Variants in MARCHF9 observed in about 807,000 individuals in gnomAD.
The protein encoded by MARCHF9 is E3 ubiquitin-protein ligase MARCHF9.
In MARCHF9, 17 loss-of-function variants were observed where a neutral mutation model predicts 35.2. The observed-to-expected ratio is 0.48, with a 90% confidence interval of 0.33 to 0.72. The LOEUF is 0.72. MARCHF9 is among the 30% of genes least tolerant of loss of function. The pLI is 0.02. For synonymous variants in MARCHF9, 183 were observed against 207.4 expected (o/e 0.88, Z 1.01); for missense variants, 386 against 478.2 (o/e 0.81, Z 1.80).
intron 2 of MARCHF9, 125 bp downstream of exon 2, chr12:57,757,209 C>G (rs1595114545): frequency 1.1e-5 from 5 of 455,260 alleles, no homozygotes; most frequent in Non-Finnish European, 1.7e-5. Flanking sequence ...CCAGTTACCA[C>G]AGTCTCCCGT....
At chr12:57,757,111 A>T (rs1455811680) in intron 2 of MARCHF9, 27 bp downstream of exon 2, 1 of 1,527,276 alleles carries the variant, frequency 6.5e-7, no homozygotes, top group African/African-American at 1.4e-5. Flanking sequence ...GGACTCGGAG[A>T]TTGGGCGAGG....
At position 57,755,662 on chromosome 12, in the gene MARCHF9, G is replaced by T. The variant is rs1018928840; in HGVS notation, c.134G>T (p.Gly45Val). Residue 45 changes from glycine to valine, a missense_variant, in exon 1 of 4, where the codon GGC becomes GTC. Physicochemically the swap from Gly to Val is moderately radical, Grantham distance 109. Coordinates refer to ENST00000266643, the MANE Select transcript of MARCHF9 (RefSeq NM_138396.6). ...GGGCGWAPFAGCSTRDGDGDE... is the reference protein window; with the variant it reads ...GGGCGWAPFAVCSTRDGDGDE... ...GGCTGCGGCTGGGCGCCCTTCGCTG[G>T]CTGCTCCACCCGGGACGGCGACGGC... 1.6e-5 allele frequency: 21 copies of T among 1,310,000 alleles called. No homozygotes were observed. The African/African-American group carries it at 3.1e-4, about 19-fold the overall frequency. 81.1% of individuals were successfully genotyped at this position (1,310,000 alleles called of 1,614,324 possible). A position where few individuals can be genotyped will look rare whatever the true frequency, so the allele number is the denominator to read the frequency against.
chr12:57,758,428 C>G lies in MARCHF9; in HGVS notation c.706+128C>G. 4 of 1,333,844 alleles carry G rather than the reference C, an allele frequency of 3.0e-6. No homozygotes were observed. The highest frequency in any genetic ancestry group is 4.0e-6 in the Non-Finnish European group (4 of 988,018). 82.6% of individuals were successfully genotyped at this position (1,333,844 alleles called of 1,614,324 possible). On this transcript the variant is annotated intron_variant, in intron 3 of 3. Transcript: ENST00000266643. The surrounding 1 kb of genome is among the most constrained non-coding windows in gnomAD (Gnocchi z 5.4). ...TAGCCTTTAGTGCTATCCTGGTGCCCCCTCAACCCACTTCCCTGCTTCTCC... is the reference window on the plus strand; with the variant it reads ...TAGCCTTTAGTGCTATCCTGGTGCCGCCTCAACCCACTTCCCTGCTTCTCC...
chr12:57,755,942 A>T (rs1298953723), intron 1 of MARCHF9, 57 bp downstream of exon 1: 3 of 1,296,782 alleles, frequency 2.3e-6, no homozygotes, highest in East Asian at 6.8e-5. Context: ...CTGGGGTGTC[A>T]GCGGAGACCG....
chr12:57,756,694 C>A (rs960753752), intron 1 of MARCHF9, among the ~76,000 whole-genome samples: 1 of 152,170 alleles, frequency 6.6e-6, no homozygotes, highest in African/African-American at 2.4e-5. Context: ...CCCCTCTAAT[C>A]CCCCCATCCC....
rs1317984893 is a variant in MARCHF9 at position 57,758,459 on chromosome 12, C to G, written c.707-104C>G. ...ACCCACTTCCCTGCTTCTCCAGGGCCCTTTGCAACTGTATCTTCTCACTCT... is the reference window on the plus strand; with the variant it reads ...ACCCACTTCCCTGCTTCTCCAGGGCGCTTTGCAACTGTATCTTCTCACTCT... On this transcript the variant is annotated intron_variant, in intron 3 of 3. Coordinates refer to ENST00000266643, the MANE Select transcript of MARCHF9 (RefSeq NM_138396.6). This position sits in a 1 kb window ranked among gnomAD's most constrained non-coding sequence, Gnocchi z 5.4. 7.4e-7 allele frequency: 1 copy of G among 1,358,470 alleles called. No homozygotes were observed. The highest frequency in any genetic ancestry group is 1.5e-5 in the African/African-American group (1 of 68,320). The allele number at this position is 1,358,470 out of a possible 1,614,324, so 84.2% of individuals were successfully genotyped here. A position where few individuals can be genotyped will look rare whatever the true frequency, so the allele number is the denominator to read the frequency against.
In MARCHF9 at chr12:57,758,031, C is replaced by G. The variant is rs770331951; in HGVS notation, c.514-77C>G. 3.3e-6 allele frequency: 5 copies of G among 1,523,234 alleles called. No individual in the cohort carries two copies. In the East Asian group the frequency reaches 1.1e-4, roughly 34 times the overall value. 94.4% of individuals were successfully genotyped at this position (1,523,234 alleles called of 1,614,324 possible). On this transcript the variant is annotated intron_variant, in intron 2 of 3. Coordinates refer to ENST00000266643, the MANE Select transcript of MARCHF9 (RefSeq NM_138396.6). The surrounding 1 kb of genome is among the most constrained non-coding windows in gnomAD (Gnocchi z 5.4). ...GGTTTTAGGGAAGGTTCCTGGAGCA[C>G]CCTGCTCTTCAGGGCCACCCATCAC...
At position 57,758,524 on chromosome 12, in the gene MARCHF9, G is replaced by A. The variant is rs767428559; in HGVS notation, c.707-39G>A. 6.5e-7 allele frequency: 1 copy of A among 1,544,732 alleles called. No homozygotes were observed. Among genetic ancestry groups the A allele is most frequent in the Non-Finnish European group, 8.7e-7 (1 of 1,143,726 alleles). On this transcript the variant is annotated intron_variant, in intron 3 of 3. Coordinates refer to ENST00000266643, the MANE Select transcript of MARCHF9 (RefSeq NM_138396.6). This position sits in a 1 kb window ranked among gnomAD's most constrained non-coding sequence, Gnocchi z 5.4. ...TTAAGTACCTCTGGCCTAGATCTAG[G>A]CCACAGTTAACCCTGGATTTCTTAT...
In MARCHF9 at chr12:57,755,798, C is replaced by A; in HGVS notation, c.270C>A (p.Gly90=). The change falls in exon 1 of 4, where the codon GGC becomes GGA. Residue 90 remains glycine, a synonymous_variant. Transcript: ENST00000266643. ...CCGCGCCGCCGCTGCCGCCCCCGGG[C>A]GCGCTGGACGCCCTGTCGCTCAGCA... is the stretch of plus-strand genomic sequence containing the variant. ...PPPAPPLPPP[G]ALDALSLSSS... The A allele has an allele frequency of 7.5e-7, 1 of 1,325,476 alleles. No individual in the cohort carries two copies. Among genetic ancestry groups the A allele is most frequent in the South Asian group, 2.0e-5 (1 of 49,482 alleles). The allele number at this position is 1,325,476 out of a possible 1,614,324, so 82.1% of individuals were successfully genotyped here. A position where few individuals can be genotyped will look rare whatever the true frequency, so the allele number is the denominator to read the frequency against.
At chr12:57,757,677 A>G (rs1283852425) in intron 2 of MARCHF9, 2 of 430,942 alleles carry the variant, frequency 4.6e-6, no homozygotes, top group Non-Finnish European at 8.2e-6. Flanking sequence ...AAAAGAAAAA[A>G]TGATGTTGAT....
chr12:57,757,780 C>T, intron 2 of MARCHF9: 1 of 594,876 alleles, frequency 1.7e-6, no homozygotes, highest in African/African-American at 1.9e-5. Context: ...CTATTATTAT[C>T]CCCTTTTACA....
Position 57,757,051 on chromosome 12 carries a change from G to A in MARCHF9, c.480G>A (p.Gln160=), listed in dbSNP as rs1334650665. The A allele has an allele frequency of 1.3e-6, 2 of 1,556,392 alleles. No homozygotes were observed. The highest frequency in any genetic ancestry group is 1.7e-6 in the Non-Finnish European group (2 of 1,149,492). ...WSCELCYFKY[Q]VLAISTKNPL... is the part of the protein sequence containing the mutation. ...GTGAGCTCTGCTACTTCAAGTACCA[G>A]GTCCTGGCGATCAGCACCAAGAACC... The change falls in exon 2 of 4, where the codon CAG becomes CAA. Residue 160 remains glutamine, a synonymous_variant. Transcript: ENST00000266643.
In MARCHF9 at chr12:57,758,648, T is replaced by C. The variant is rs1431444025; in HGVS notation, c.792T>C (p.Tyr264=). Residue 264 remains tyrosine, a synonymous_variant, in exon 4 of 4, where the codon TAT becomes TAC. Transcript: ENST00000266643. The surrounding 1 kb of genome is among the most constrained non-coding windows in gnomAD (Gnocchi z 5.4). The part of the protein sequence containing the change: ...AVNQQWKVLN[Y]DKTKDIGGDA... ...ACCAGCAGTGGAAGGTCCTAAATTA[T>C]GACAAGACCAAGGACATAGGAGGAG... 2 of 1,613,868 alleles carry C rather than the reference T, an allele frequency of 1.2e-6. No individual in the cohort carries two copies. Among genetic ancestry groups the C allele is most frequent in the Non-Finnish European group, 1.7e-6 (2 of 1,179,992 alleles).
chr12:57,758,360 C>T lies in MARCHF9; in HGVS notation c.706+60C>T. 6.6e-7 allele frequency: 1 copy of T among 1,524,536 alleles called. No individual in the cohort carries two copies. The highest frequency in any genetic ancestry group is 8.9e-7 in the Non-Finnish European group (1 of 1,125,808). The allele number at this position is 1,524,536 out of a possible 1,614,324, so 94.4% of individuals were successfully genotyped here. A position where few individuals can be genotyped will look rare whatever the true frequency, so the allele number is the denominator to read the frequency against. On this transcript the variant is annotated intron_variant, in intron 3 of 3. Coordinates refer to ENST00000266643, the MANE Select transcript of MARCHF9 (RefSeq NM_138396.6). This position sits in a 1 kb window ranked among gnomAD's most constrained non-coding sequence, Gnocchi z 5.4. ...ATCTTCCTCTTACACACCTAACTCC[C>T]CTGCCCATCCCCTCAGTTTCCTGGC...
chr12:57,756,891 G>T, intron 1 of MARCHF9, 38 bp from the exon 2 acceptor site: 3 of 1,462,272 alleles, frequency 2.1e-6, no homozygotes, highest in South Asian at 2.8e-5. Context: ...GGTCGGGGTG[G>T]TGATGGCTGA....
At position 57,755,428 on chromosome 12, in the gene MARCHF9, G is replaced by C. The variant is rs1401699998; in HGVS notation, c.-101G>C. ...GCCCCGAAGACCCCGGCCCGGCTCG[G>C]CTCTCTAGCGCGCGCCCCCTTCCCG... On this transcript the variant is annotated 5_prime_UTR_variant, in exon 1 of 4. Transcript: ENST00000266643. The C allele has an allele frequency of 3.1e-5, 20 of 645,692 alleles. No homozygotes were observed. The highest frequency in any genetic ancestry group is 4.5e-5 in the Non-Finnish European group (20 of 442,784). The allele number at this position is 645,692 out of a possible 1,614,324, so 40.0% of individuals were successfully genotyped here.
rs1018736122 is a variant in MARCHF9, at chr12:57,759,835, G to C, written c.*938G>C. The C allele has an allele frequency of 6.6e-6, 1 of 152,242 alleles. No individual in the cohort carries two copies. The highest frequency in any genetic ancestry group is 1.5e-5 in the Non-Finnish European group (1 of 68,042). 9.4% of individuals were successfully genotyped at this position (152,242 alleles called of 1,614,324 possible). On this transcript the variant is annotated 3_prime_UTR_variant, in exon 4 of 4. Transcript: ENST00000266643. ...TGTGTTTTTCATCTGGAGTTGCACA[G>C]AATCATGGAATTTTGTGTTGAGTGA...
At position 57,759,022 on chromosome 12, in the gene MARCHF9, T is replaced by G; in HGVS notation, c.*125T>G. ...CTGCCCCCGTCACCGAGGATCTGTGTGGGTAGCCTCAAGCTGGAGACATTG... is the reference window on the plus strand; with the variant it reads ...CTGCCCCCGTCACCGAGGATCTGTGGGGGTAGCCTCAAGCTGGAGACATTG... On this transcript the variant is annotated 3_prime_UTR_variant, in exon 4 of 4. Coordinates refer to ENST00000266643, the MANE Select transcript of MARCHF9 (RefSeq NM_138396.6). 2 of 973,320 alleles carry G rather than the reference T, an allele frequency of 2.1e-6. No homozygotes were observed. The highest frequency in any genetic ancestry group is 2.9e-6 in the Non-Finnish European group (2 of 679,606). 60.3% of individuals were successfully genotyped at this position (973,320 alleles called of 1,614,324 possible).
chr12:57,755,779 C>A lies in MARCHF9; in HGVS notation c.251C>A (p.Pro84Gln). The A allele has an allele frequency of 7.8e-7, 1 of 1,277,430 alleles. No homozygotes were observed. Among genetic ancestry groups the A allele is most frequent in the South Asian group, 2.4e-5 (1 of 42,054 alleles). 79.1% of individuals were successfully genotyped at this position (1,277,430 alleles called of 1,614,324 possible). Residue 84 changes from proline (P) to glutamine (Q), a missense_variant, in exon 1 of 4, where the codon CCG becomes CAG. Physicochemically the swap from Pro to Gln is moderately conservative, Grantham distance 76. Transcript: ENST00000266643. ...PRAGPLPPPA[P>Q]PLPPPGALDA... ...GCCGGACCCCTGCCGCCGCCCGCGCCGCCGCTGCCGCCCCCGGGCGCGCTG... is the reference window on the plus strand; with the variant it reads ...GCCGGACCCCTGCCGCCGCCCGCGCAGCCGCTGCCGCCCCCGGGCGCGCTG...
Sources: allele counts gnomAD v4.1 joint callset (sites outside exome capture counted in the v4.1 genomes callset), GRCh38; gene constraint gnomAD v4.1.1; non-coding constraint Gnocchi (gnomAD v3.1); transcripts MANE v1.5; gene names NCBI Gene and HGNC (gene_info 2026-07-23, HGNC 2026-07-21).